Variants in KLRD1 observed in about 807,000 individuals in gnomAD.
KLRD1 encodes the protein killer cell lectin like receptor D1, also known as natural killer cells antigen CD94.
Under a neutral mutation model 22.6 loss-of-function variants are expected in KLRD1, and 21 were observed. The ratio of observed to expected loss-of-function variants is 0.93; its 90% CI spans 0.66 to 1.34. The LOEUF is 1.34. Ranked by LOEUF, KLRD1 falls within the 40% of genes most tolerant of loss-of-function variation. The pLI is 0.00. For missense variants in KLRD1, 183 were observed against 208.6 expected, an observed-to-expected ratio of 0.88 and a Z score of 0.76; for synonymous variants, 59 against 71.1, an observed-to-expected ratio of 0.83 and a Z score of 0.85.
intron 1 of KLRD1, among the ~76,000 whole-genome samples, chr12:10,264,520 A>G (rs1949481974): frequency 1.3e-5 from 2 of 152,036 alleles, no homozygotes; most frequent in South Asian, 4.1e-4. Flanking sequence ...ATGGAGTGGT[A>G]ATTCATTTTA....
intron 1 of KLRD1, among the ~76,000 whole-genome samples, chr12:10,273,842 G>A (rs552967771): frequency 1.3e-5 from 2 of 152,088 alleles, no homozygotes; most frequent in South Asian, 4.1e-4. Context: ...TGGGTGGAGT[G>A]GGGGAGAGAT....
At chr12:10,272,975 T>C (rs1469813147) in intron 1 of KLRD1, among the ~76,000 whole-genome samples, 1 of 152,188 alleles carries the variant, frequency 6.6e-6, no homozygotes, top group African/African-American at 2.4e-5. Flanking sequence ...ATACGGATTT[T>C]CAGAAATACC....
chr12:10,239,544 T>C (rs1411354342), intron 1 of KLRD1, among the ~76,000 whole-genome samples: 1 of 122,480 alleles, frequency 8.2e-6, no homozygotes, highest in African/African-American at 4.7e-5. Context: ...TCTTTCTTTC[T>C]TTCTTTCTTT....
At chr12:10,269,898 G>A (rs1472589862) in intron 1 of KLRD1, among the ~76,000 whole-genome samples, 2 of 152,104 alleles carry the variant, frequency 1.3e-5, no homozygotes, top group Admixed American at 1.3e-4. Flanking sequence ...TGCAGATTCA[G>A]TTTGATATCT....
rs1950267826 is a variant in KLRD1, at chr12:10,318,016, C to A, written c.*3223C>A. The A allele has an allele frequency of 1.3e-5, 2 of 152,148 alleles. No individual in the cohort carries two copies. Among genetic ancestry groups the A allele is most frequent in the Admixed American group, 1.3e-4 (2 of 15,282 alleles). The allele number at this position is 152,148 out of a possible 1,614,324, so 9.4% of individuals were successfully genotyped here. A position where few individuals can be genotyped will look rare whatever the true frequency, so the allele number is the denominator to read the frequency against. ...ACCCCCATGATTAAATTACCTCCTACCAGTTCCCTCACATGATACGTGAGG... is the reference window on the plus strand; with the variant it reads ...ACCCCCATGATTAAATTACCTCCTAACAGTTCCCTCACATGATACGTGAGG... On this transcript the variant is annotated 3_prime_UTR_variant, in exon 6 of 6. Transcript: ENST00000336164.
At chr12:10,241,357 G>A (rs1346513406) in intron 1 of KLRD1, among the ~76,000 whole-genome samples, 1 of 152,062 alleles carries the variant, frequency 6.6e-6, no homozygotes, top group African/African-American at 2.4e-5. Flanking sequence ...GGAGGGGAGC[G>A]ATTTTTTACT....
chr12:10,317,492 G>C lies in KLRD1; in HGVS notation c.*2699G>C, dbSNP rs927415921. 3 of 152,184 alleles carry C rather than the reference G, an allele frequency of 2.0e-5. No individual in the cohort carries two copies. Among genetic ancestry groups the C allele is most frequent in the African/African-American group, 7.2e-5 (3 of 41,418 alleles). The allele number at this position is 152,184 out of a possible 1,614,324, so 9.4% of individuals were successfully genotyped here. On this transcript the variant is annotated 3_prime_UTR_variant, in exon 6 of 6. Transcript: ENST00000336164. ...CGCAACCTTGGCATTATCAGTACTGGACAAAGCCCTCTGCAGCATACAGCA... is the reference window on the plus strand; with the variant it reads ...CGCAACCTTGGCATTATCAGTACTGCACAAAGCCCTCTGCAGCATACAGCA...
chr12:10,243,606 C>CAA (rs1410255777), intron 1 of KLRD1, among the ~76,000 whole-genome samples: 2 of 10,474 alleles, frequency 1.9e-4, no homozygotes, highest in African/African-American at 1.1e-3. Flanking sequence ...GAGTGAGACT[C>CAA]CAAAAAAAAA....
rs536499538 is a variant in KLRD1, at chr12:10,308,012, A to G, written c.-66A>G. 4.3e-4 allele frequency: 625 copies of G among 1,458,354 alleles called. 4 individuals are homozygous for G. Among genetic ancestry groups the G allele is most frequent in the South Asian group, 3.3e-3 (286 of 87,742 alleles). 90.3% of individuals were successfully genotyped at this position (1,458,354 alleles called of 1,614,324 possible). A position where few individuals can be genotyped will look rare whatever the true frequency, so the allele number is the denominator to read the frequency against. Reference sequence around the variant, plus strand: ...TCTCCAGCTCAGCTTCAACAATTCAACGCTGTTCTTTCTGAAAAAGTACAC... The same window carrying G: ...TCTCCAGCTCAGCTTCAACAATTCAGCGCTGTTCTTTCTGAAAAAGTACAC... On this transcript the variant is annotated 5_prime_UTR_variant, in exon 1 of 6. Coordinates refer to ENST00000336164, the MANE Select transcript of KLRD1 (RefSeq NM_002262.5).
intron 1 of KLRD1, among the ~76,000 whole-genome samples, chr12:10,287,083 C>T (rs568142669): frequency 6.6e-6 from 1 of 152,210 alleles, no homozygotes; most frequent in East Asian, 1.9e-4. Flanking sequence ...TTGCAGTGAG[C>T]TGAGATTGTA....
intron 1 of KLRD1, among the ~76,000 whole-genome samples, chr12:10,293,173 T>TATATATATACATAC (rs1172260692): frequency 0.58 from 10,170 of 17,406 alleles, 2,314 homozygotes; most frequent in East Asian, 0.69. Context: ...TATATACACA[T>TATATATATACATAC]ATACACATAA....
intron 4 of KLRD1, among the ~76,000 whole-genome samples, chr12:10,312,024 A>G (rs768714570): frequency 6.6e-6 from 1 of 151,088 alleles, no homozygotes; most frequent in East Asian, 1.9e-4. Flanking sequence ...AAATATGGTA[A>G]GAAAACGTAC....
At chr12:10,276,248 A>G (rs12832489) in intron 1 of KLRD1, among the ~76,000 whole-genome samples, 18,383 of 152,076 alleles carry the variant, frequency 0.12, 1,802 homozygotes, top group African/African-American at 0.26. Flanking sequence ...TTCTTAAATT[A>G]TCACCTCACT....
intron 1 of KLRD1, among the ~76,000 whole-genome samples, chr12:10,281,030 C>T (rs1436129649): frequency 6.6e-6 from 1 of 151,982 alleles, no homozygotes; most frequent in African/African-American, 2.4e-5. Flanking sequence ...TGAATGCTAC[C>T]TTATAGGGCG....
At chr12:10,306,957 T>C (rs548118660), upstream of KLRD1, among the ~76,000 whole-genome samples, 57 of 152,336 alleles carry the variant, frequency 3.7e-4, no homozygotes, top group African/African-American at 1.3e-3. Flanking sequence ...ATACAAAATA[T>C]AATACACAAA....
chr12:10,302,666 G>A (rs993543016), upstream of KLRD1, among the ~76,000 whole-genome samples: 10 of 151,974 alleles, frequency 6.6e-5, no homozygotes, highest in Non-Finnish European at 1.2e-4. Context: ...AAACCATAAG[G>A]GTATAGAAAA....
At chr12:10,246,933 C>CTTT (rs71049075) in intron 1 of KLRD1, among the ~76,000 whole-genome samples, 3 of 58,378 alleles carry the variant, frequency 5.1e-5, no homozygotes, top group East Asian at 3.7e-4. Context: ...CTTTTCTTTT[C>CTTT]TTTTTTTTTT....
chr12:10,264,921 A>G (rs957898580), intron 1 of KLRD1, among the ~76,000 whole-genome samples: 10 of 152,144 alleles, frequency 6.6e-5, no homozygotes, highest in Non-Finnish European at 1.5e-4. Flanking sequence ...ACTTAAAAAA[A>G]AAGATTCCAC....
chr12:10,313,808 A>T (rs993441515), intron 5 of KLRD1, among the ~76,000 whole-genome samples: 8 of 152,190 alleles, frequency 5.3e-5, no homozygotes, highest in Non-Finnish European at 8.8e-5. Context: ...ATTATTTTAA[A>T]TTTTTTAATT....
Sources: gnomAD v4.1 joint callset for allele counts (sites outside exome capture counted in the v4.1 genomes callset) on GRCh38, gnomAD v4.1.1 for gene constraint, MANE v1.5 for transcripts, NCBI Gene and HGNC (gene_info 2026-07-23, HGNC 2026-07-21) for gene names.